The following MED15 variants were observed in gnomAD, a reference collection of about 807,000 sequenced individuals.
MED15 encodes the protein mediator complex subunit 15.
In MED15, 41 loss-of-function variants were observed where a neutral mutation model predicts 118.7. The ratio of observed to expected loss-of-function variants is 0.35; its 90% CI spans 0.27 to 0.45. The LOEUF is 0.45. Among genes scored for constraint, MED15 ranks in the 20% least tolerant of loss-of-function variants. The pLI, the probability that MED15 is intolerant of heterozygous loss-of-function variation, is 1.00. For missense variants in MED15, 740 were observed against 1,025.5 expected, an observed-to-expected ratio of 0.72 and a Z score of 3.80; for synonymous variants, 436 against 413.9, an observed-to-expected ratio of 1.05 and a Z score of -0.65.
Position 20,553,036 on chromosome 22 carries a change from G to A in MED15, c.209-109G>A, listed in dbSNP as rs544193385. On this transcript the variant is annotated intron_variant, in intron 3 of 17. Transcript: ENST00000263205. Reference sequence around the variant, plus strand: ...AGTAGTGGGGAGTACTAGGAGCTCCGTGGGGATTAAGGCTTGGGCAAATGC... The same window carrying A: ...AGTAGTGGGGAGTACTAGGAGCTCCATGGGGATTAAGGCTTGGGCAAATGC... 239 of 1,018,852 alleles carry A rather than the reference G, an allele frequency of 2.3e-4. 1 individual carries two copies. The highest frequency in any genetic ancestry group is 2.2e-3 in the South Asian group (150 of 67,662). The allele number at this position is 1,018,852 out of a possible 1,614,324, so 63.1% of individuals were successfully genotyped here.
intron 1 of MED15, chr22:20,518,760 G>A (rs545935788): frequency 2.6e-6 from 1 of 384,178 alleles, no homozygotes; most frequent in Non-Finnish European, 5.2e-6. Flanking sequence ...CCATGGTTTT[G>A]TCCATCAGTG....
At position 20,564,531 on chromosome 22, in the gene MED15, A is replaced by C; in HGVS notation, c.533A>C (p.Gln178Pro). ...CAGCAGCAGCAGCAGGCGGCGCTAC[A>C]GCAGCAGCAGCAGCAGCAGCAACAG... ...QFQQQQQAAL[Q>P]QQQQQQQQQQ... The change falls in exon 6 of 18, where the codon CAG becomes CCG. Residue 178 changes from glutamine to proline, a missense_variant. This residue lies in a region of MED15 where 3 missense variants were observed against 20.0 expected (regional missense o/e 0.15). Transcript: ENST00000263205. 1 of 1,364,626 alleles carries C rather than the reference A, an allele frequency of 7.3e-7. No homozygotes were observed. Among genetic ancestry groups the C allele is most frequent in the Non-Finnish European group, 1.0e-6 (1 of 981,458 alleles). The allele number at this position is 1,364,626 out of a possible 1,614,324, so 84.5% of individuals were successfully genotyped here.
intron 5 of MED15, among the ~76,000 whole-genome samples, chr22:20,564,142 A>G (rs550766636): frequency 5.4e-4 from 83 of 152,364 alleles, no homozygotes; most frequent in African/African-American, 1.9e-3. Flanking sequence ...GAAGTGGCCA[A>G]TCCATAGAGA....
chr22:20,520,258 C>T (rs2054400093), intron 1 of MED15, among the ~76,000 whole-genome samples: 1 of 152,204 alleles, frequency 6.6e-6, no homozygotes, highest in Admixed American at 6.5e-5. Context: ...TGCCCGCTGC[C>T]CTTCTCTTCT....
At position 20,577,342 on chromosome 22, in the gene MED15, T is replaced by C. The variant is rs528706775; in HGVS notation, c.1272+2110T>C. 1.1e-3 allele frequency among the ~76,000 whole-genome samples: 172 copies of C among 152,196 alleles called. 1 individual carries two copies. The highest frequency in any genetic ancestry group is 1.3e-3 in the Non-Finnish European group (91 of 68,010). On this transcript the variant is annotated intron_variant, in intron 9 of 17. Transcript: ENST00000263205. ...GGCTTGCCCATACTCTGTTGTGGGC[T>C]GGCCACTCCCCACACCCAGCTGCTG...
chr22:20,542,956 C>G (rs1224929094), intron 2 of MED15, among the ~76,000 whole-genome samples: 1 of 152,122 alleles, frequency 6.6e-6, no homozygotes, highest in Non-Finnish European at 1.5e-5. Context: ...ATGCCACACC[C>G]TTGGCATTCT....
chr22:20,586,119 C>T (rs936298164), intron 17 of MED15, among the ~76,000 whole-genome samples: 2 of 152,202 alleles, frequency 1.3e-5, no homozygotes, highest in Admixed American at 6.5e-5. Context: ...AAGCCCATGG[C>T]TCAGGGACAG....
intron 2 of MED15, among the ~76,000 whole-genome samples, chr22:20,538,499 C>T (rs1020542018): frequency 6.6e-6 from 1 of 152,160 alleles, no homozygotes; most frequent in Admixed American, 6.5e-5. Context: ...ATCCCCACGC[C>T]TTGCCCTCCC....
intron 17 of MED15, among the ~76,000 whole-genome samples, chr22:20,586,083 T>TTG (rs1429964866): frequency 8.5e-5 from 13 of 152,270 alleles, no homozygotes; most frequent in Non-Finnish European, 1.8e-4. Flanking sequence ...TCCAGGGTGG[T>TTG]TGTGTTCAGT....
intron 5 of MED15, among the ~76,000 whole-genome samples, chr22:20,555,975 G>A (rs1037703870): frequency 1.3e-5 from 2 of 152,128 alleles, no homozygotes; most frequent in Non-Finnish European, 2.9e-5. Context: ...TGCTCACCTC[G>A]GCCTCCCAAA....
At chr22:20,508,783 C>T (rs1221257175) in intron 1 of MED15, among the ~76,000 whole-genome samples, 1 of 152,158 alleles carries the variant, frequency 6.6e-6, no homozygotes, top group Non-Finnish European at 1.5e-5. Context: ...TGGATGTATA[C>T]GTGCAAGTCA....
intron 4 of MED15, among the ~76,000 whole-genome samples, chr22:20,553,956 T>C (rs1157225334): frequency 6.6e-6 from 1 of 152,242 alleles, no homozygotes; most frequent in African/African-American, 2.4e-5. Context: ...TGGTCTCTGC[T>C]GACTAAGCTG....
chr22:20,537,285 G>C, intron 2 of MED15, 81 bp downstream of exon 2: 1 of 1,192,458 alleles, frequency 8.4e-7, no homozygotes, highest in East Asian at 2.4e-5. Context: ...CCCTCTGTTG[G>C]GTGTCCTAGG....
At chr22:20,551,836 A>G (rs2055789496) in intron 3 of MED15, 2 of 320,066 alleles carry the variant, frequency 6.2e-6, no homozygotes, top group Non-Finnish European at 1.2e-5. Context: ...TCTCTTCCCT[A>G]AAAGTTGATT....
chr22:20,520,386 C>T (rs1601456656), intron 1 of MED15, among the ~76,000 whole-genome samples: 1 of 152,294 alleles, frequency 6.6e-6, no homozygotes, highest in African/African-American at 2.4e-5. Context: ...ACTCAGGGTT[C>T]GTCCTCAGAA....
intron 1 of MED15, among the ~76,000 whole-genome samples, chr22:20,534,147 A>G (rs1444202022): frequency 6.6e-6 from 1 of 152,054 alleles, no homozygotes; most frequent in Non-Finnish European, 1.5e-5. Flanking sequence ...ACTCCTGGCC[A>G]CATCTGCCAC....
chr22:20,541,428 A>G (rs868523276), intron 2 of MED15, among the ~76,000 whole-genome samples: 3 of 152,312 alleles, frequency 2.0e-5, no homozygotes, highest in South Asian at 4.1e-4. Flanking sequence ...TTTCCATTAT[A>G]ATGGCTATGA....
intron 2 of MED15, among the ~76,000 whole-genome samples, chr22:20,547,423 G>T (rs1466017737): frequency 1.3e-5 from 2 of 152,040 alleles, no homozygotes; most frequent in Non-Finnish European, 2.9e-5. Context: ...AATATTTTAG[G>T]CTGGCTACAG....
chr22:20,552,826 C>T (rs994179275), intron 3 of MED15: 2 of 354,822 alleles, frequency 5.6e-6, no homozygotes, highest in Admixed American at 4.5e-5. Context: ...TTGCTCAGGG[C>T]TGAGCTGAGA....
Sources: gnomAD v4.1 joint callset for allele counts (sites outside exome capture counted in the v4.1 genomes callset) on GRCh38, gnomAD v4.1.1 for gene constraint, gnomAD v4.1.1 regional missense constraint, MANE v1.5 for transcripts, NCBI Gene and HGNC (gene_info 2026-07-23, HGNC 2026-07-21) for gene names.